The following DLGAP1 variants were observed in gnomAD, a reference collection of about 807,000 sequenced individuals.
The protein encoded by DLGAP1 is disks large-associated protein 1.
DLGAP1 carries 11 observed loss-of-function variants against 90.8 expected under a neutral mutation model. That is an observed-to-expected ratio of 0.12 (90% CI 0.08 to 0.20). The LOEUF (loss-of-function observed/expected upper bound fraction) is 0.20. Ranked by LOEUF, DLGAP1 falls within the 10% of genes least tolerant of loss-of-function variation. The pLI is 1.00. For missense variants in DLGAP1, 1,050 were observed against 1,333.8 expected, an observed-to-expected ratio of 0.79 and a Z score of 3.31; for synonymous variants, 558 against 540.7, an observed-to-expected ratio of 1.03 and a Z score of -0.44.
intron 1 of DLGAP1, among the ~76,000 whole-genome samples, chr18:4,190,692 A>G (rs993296801): frequency 2.0e-5 from 3 of 152,142 alleles, no homozygotes; most frequent in African/African-American, 7.2e-5. Flanking sequence ...CTCTAAAAAC[A>G]AAGTCTATTT....
intron 7 of DLGAP1, among the ~76,000 whole-genome samples, chr18:3,714,102 A>G (rs891858105): frequency 2.6e-5 from 4 of 152,190 alleles, no homozygotes; most frequent in Admixed American, 2.6e-4. Flanking sequence ...AAGCACCACA[A>G]GTTTCTTAAT....
At chr18:4,271,411 CAT>C (rs373711105) in intron 1 of DLGAP1, among the ~76,000 whole-genome samples, 40 of 152,236 alleles carry the variant, frequency 2.6e-4, no homozygotes, top group African/African-American at 8.9e-4. Context: ...CTTAGAGAAA[CAT>C]ATCATTTGCC....
At chr18:3,908,025 T>C (rs1463273809) in intron 3 of DLGAP1, among the ~76,000 whole-genome samples, 1 of 152,230 alleles carries the variant, frequency 6.6e-6, no homozygotes, top group Non-Finnish European at 1.5e-5. Flanking sequence ...GTTATGCCCC[T>C]GCACATATAA....
chr18:4,394,949 T>C (rs908306051), intron 1 of DLGAP1, among the ~76,000 whole-genome samples: 2 of 152,226 alleles, frequency 1.3e-5, no homozygotes, highest in Admixed American at 6.5e-5. Context: ...TTAAGCCATT[T>C]GGTACTGAAA....
chr18:3,833,779 T>C (rs1456988339), intron 4 of DLGAP1, among the ~76,000 whole-genome samples: 1 of 152,192 alleles, frequency 6.6e-6, no homozygotes, highest in Non-Finnish European at 1.5e-5. Flanking sequence ...TAAATTTACC[T>C]GAATAATTTA....
At chr18:4,017,164 C>G (rs118009915) in intron 2 of DLGAP1, among the ~76,000 whole-genome samples, 575 of 152,250 alleles carry the variant, frequency 3.8e-3, no homozygotes, top group Non-Finnish European at 6.3e-3. Context: ...TAAAAGCAGG[C>G]CTGTGCAGAA....
intron 11 of DLGAP1, among the ~76,000 whole-genome samples, chr18:3,503,973 G>A (rs983479658): frequency 6.6e-6 from 1 of 152,152 alleles, no homozygotes; most frequent in African/African-American, 2.4e-5. Context: ...GTGCACACCT[G>A]TAATCCCAGC....
Position 4,023,417 on chromosome 18 carries a change from C to A in DLGAP1, c.-158-18216G>T, listed in dbSNP as rs116897382. Among the ~76,000 whole-genome samples, 769 of 152,294 alleles carry A rather than the reference C, an allele frequency of 5.0e-3. 3 individuals carry two copies. The highest frequency in any genetic ancestry group is 8.4e-3 in the Non-Finnish European group (569 of 68,018). On this transcript the variant is annotated intron_variant, in intron 2 of 12. Transcript: ENST00000315677. ...TGCATTGACTTTGACTTTCAAGAAA[C>A]CTACAGCCATATTTGCCATGTAATC...
intron 2 of DLGAP1, among the ~76,000 whole-genome samples, chr18:4,089,388 T>C (rs1271495949): frequency 2.0e-5 from 3 of 152,190 alleles, no homozygotes; most frequent in Non-Finnish European, 4.4e-5. Context: ...CAAAGTAATT[T>C]ACAGATTCAA....
chr18:3,792,771 T>C lies in DLGAP1; in HGVS notation c.1172+21288A>G, dbSNP rs112993183. On this transcript the variant is annotated intron_variant, in intron 5 of 12. Coordinates refer to ENST00000315677, the MANE Select transcript of DLGAP1 (RefSeq NM_004746.4). ...TGTGTTAGCTGAACTGCTGGAATAATGTACTGGGGCTTGTGCATGTACCTT... is the reference window on the plus strand; with the variant it reads ...TGTGTTAGCTGAACTGCTGGAATAACGTACTGGGGCTTGTGCATGTACCTT... 3.4e-3 allele frequency among the ~76,000 whole-genome samples: 511 copies of C among 152,288 alleles called. 4 individuals are homozygous for C. Among genetic ancestry groups the C allele is most frequent in the African/African-American group, 0.011 (469 of 41,562 alleles).
At chr18:3,734,362 C>T (rs2147527299) in intron 6 of DLGAP1, among the ~76,000 whole-genome samples, 1 of 152,304 alleles carries the variant, frequency 6.6e-6, no homozygotes, top group African/African-American at 2.4e-5. Context: ...AAGCTATCCT[C>T]TGGCCTCAGC....
chr18:3,868,643 T>C (rs915104536), intron 4 of DLGAP1, among the ~76,000 whole-genome samples: 1 of 152,196 alleles, frequency 6.6e-6, no homozygotes, highest in Non-Finnish European at 1.5e-5. Context: ...ATAATTTCAT[T>C]AAATGTATTA....
At chr18:3,751,054 T>C (rs1325245170) in intron 5 of DLGAP1, among the ~76,000 whole-genome samples, 2 of 152,232 alleles carry the variant, frequency 1.3e-5, no homozygotes, top group Non-Finnish European at 2.9e-5. Flanking sequence ...ACTCTTCAGA[T>C]TTCTGAGCTC....
At chr18:4,348,990 T>C (rs1453151361) in intron 1 of DLGAP1, among the ~76,000 whole-genome samples, 6 of 152,140 alleles carry the variant, frequency 3.9e-5, no homozygotes, top group African/African-American at 1.2e-4. Flanking sequence ...CTAAAATTTG[T>C]GGGCAAAAGT....
chr18:4,015,260 A>G (rs2149103218), intron 2 of DLGAP1, among the ~76,000 whole-genome samples: 1 of 152,290 alleles, frequency 6.6e-6, no homozygotes, highest in East Asian at 1.9e-4. Context: ...TCTGTCCATG[A>G]TGAAAAATAG....
At chr18:4,397,558 T>G (rs1019716496) in intron 1 of DLGAP1, among the ~76,000 whole-genome samples, 1 of 152,190 alleles carries the variant, frequency 6.6e-6, no homozygotes, top group Non-Finnish European at 1.5e-5. Context: ...CTCAAATATT[T>G]TTTTCCTCAG....
chr18:3,753,318 G>A (rs1204116942), intron 5 of DLGAP1, among the ~76,000 whole-genome samples: 1 of 152,156 alleles, frequency 6.6e-6, no homozygotes, highest in African/African-American at 2.4e-5. Context: ...GCAGCCAACA[G>A]AGTGGATGCA....
At chr18:3,641,269 CG>C (rs1555612049) in intron 7 of DLGAP1, among the ~76,000 whole-genome samples, 2 of 151,594 alleles carry the variant, frequency 1.3e-5, no homozygotes, top group Non-Finnish European at 2.9e-5. Context: ...GACAAGAGGC[CG>C]GGCGCACTGG....
Position 4,383,335 on chromosome 18 carries a change from T to G in DLGAP1, c.-267+71671A>C, listed in dbSNP as rs906476931. 6.6e-6 allele frequency among the ~76,000 whole-genome samples: 1 copy of G among 152,146 alleles called. No homozygotes were observed. Among genetic ancestry groups the G allele is most frequent in the African/African-American group, 2.4e-5 (1 of 41,454 alleles). On this transcript the variant is annotated intron_variant, in intron 1 of 12. Coordinates refer to ENST00000315677, the MANE Select transcript of DLGAP1 (RefSeq NM_004746.4). This position sits in a 1 kb window ranked among gnomAD's most constrained non-coding sequence, Gnocchi z 4.0. ...TGAGTAAAATAATATGTACTTAAAC[T>G]CAAAATATTTAGTACATTAATGGGA...
Sources: gnomAD v4.1 joint callset for allele counts (sites outside exome capture counted in the v4.1 genomes callset) on GRCh38, gnomAD v4.1.1 for gene constraint, Gnocchi (gnomAD v3.1) non-coding constraint, MANE v1.5 for transcripts, NCBI Gene and HGNC (gene_info 2026-07-23, HGNC 2026-07-21) for gene names.